NGLY1: variants seen among roughly 807,000 people sequenced by gnomAD.
The protein encoded by NGLY1 is peptide-N(4)-(N-acetyl-beta-glucosaminyl)asparagine amidase.
A neutral mutation model predicts 84.6 loss-of-function variants in NGLY1; 68 were observed. That is an observed-to-expected ratio of 0.80 (90% CI 0.66 to 0.98). The LOEUF (loss-of-function observed/expected upper bound fraction) is 0.98. Among genes scored for constraint, NGLY1 ranks in the 50% least tolerant of loss-of-function variants. NGLY1 has a pLI of 0.00. For synonymous variants in NGLY1, 280 were observed against 275.2 expected, an observed-to-expected ratio of 1.02 and a Z score of -0.17; for missense variants, 779 against 770.2, an observed-to-expected ratio of 1.01 and a Z score of -0.14.
chr3:25,785,845 TTTTG>T (rs1708592007), upstream of NGLY1, among the ~76,000 whole-genome samples: 1 of 152,172 alleles, frequency 6.6e-6, no homozygotes, highest in South Asian at 2.1e-4. Context: ...ACAAAATGAC[TTTTG>T]TTTTTCTCTT....
At chr3:25,746,547 A>T (rs1402871104) in intron 4 of NGLY1, among the ~76,000 whole-genome samples, 1 of 152,242 alleles carries the variant, frequency 6.6e-6, no homozygotes, top group Non-Finnish European at 1.5e-5. Context: ...AGCAGGGAAC[A>T]TCAGCAGATT....
In NGLY1 at chr3:25,767,872, G is replaced by C. The variant is rs191074160; in HGVS notation, c.247-3561C>G. ...TCACGCCTGTAATCCCAGCACTTTG[G>C]GGGGCTGAAGCAGGTGGATCACTTG... On this transcript the variant is annotated intron_variant, in intron 2 of 11. Coordinates refer to ENST00000280700, the MANE Select transcript of NGLY1 (RefSeq NM_018297.4). 2.9e-3 allele frequency among the ~76,000 whole-genome samples: 437 copies of C among 151,772 alleles called. 9 individuals are homozygous for C. Among genetic ancestry groups the C allele is most frequent in the African/African-American group, 0.01 (416 of 41,442 alleles).
chr3:25,765,689 A>G (rs1178947641), intron 2 of NGLY1, among the ~76,000 whole-genome samples: 1 of 152,164 alleles, frequency 6.6e-6, no homozygotes, highest in Non-Finnish European at 1.5e-5. Context: ...TAATTGCTAT[A>G]AAAAAGACAA....
intron 4 of NGLY1, chr3:25,749,439 C>T (rs1706610762): frequency 9.5e-7 from 1 of 1,054,846 alleles, no homozygotes; most frequent in Admixed American, 1.7e-5. Context: ...GAAGCTCTCT[C>T]CTCCTCAGCA....
rs937857426 is a variant in NGLY1, at chr3:25,755,473, C to A, written c.493-4210G>T. On this transcript the variant is annotated intron_variant, in intron 3 of 11. Coordinates refer to ENST00000280700, the MANE Select transcript of NGLY1 (RefSeq NM_018297.4). ...TGTCAGTGACAAGCCAAAGATTTAA[C>A]AGTGCAGATTCCACCTTCTCGGTCC... 4 of 1,462,432 alleles carry A rather than the reference C, an allele frequency of 2.7e-6. No homozygotes were observed. The Admixed American group carries it at 6.7e-5, about 24-fold the overall frequency. The allele number at this position is 1,462,432 out of a possible 1,614,324, so 90.6% of individuals were successfully genotyped here. A position where few individuals can be genotyped will look rare whatever the true frequency, so the allele number is the denominator to read the frequency against.
Position 25,751,269 on chromosome 3 carries a change from A to G in NGLY1, c.493-6T>C. The G allele has an allele frequency of 6.6e-7, 1 of 1,517,564 alleles. No individual in the cohort carries two copies. The highest frequency in any genetic ancestry group is 8.8e-7 in the Non-Finnish European group (1 of 1,135,678). The allele number at this position is 1,517,564 out of a possible 1,614,324, so 94.0% of individuals were successfully genotyped here. ...ATGGCTGAGTCAGCAGCAACCTAAT[A>G]GGAAAAAAAAAAACTGAAATTAACT... On this transcript the variant is annotated splice_region_variant and splice_polypyrimidine_tract_variant and intron_variant, in intron 3 of 11. Coordinates refer to ENST00000280700, the MANE Select transcript of NGLY1 (RefSeq NM_018297.4).
chr3:25,787,645 T>C (rs1036119400), upstream of NGLY1, among the ~76,000 whole-genome samples: 1 of 152,210 alleles, frequency 6.6e-6, no homozygotes, highest in African/African-American at 2.4e-5. Context: ...ATGTCCTTTC[T>C]AGAGGAGTTT....
At chr3:25,769,315 T>C (rs1275524411) in intron 2 of NGLY1, among the ~76,000 whole-genome samples, 1 of 152,114 alleles carries the variant, frequency 6.6e-6, no homozygotes, top group Non-Finnish European at 1.5e-5. Context: ...AAGCCGAGAT[T>C]GTGCCACTAG....
At chr3:25,736,465 G>A in intron 6 of NGLY1, 2 of 1,301,550 alleles carry the variant, frequency 1.5e-6, no homozygotes, top group South Asian at 1.3e-5. Flanking sequence ...CTATCATGAA[G>A]GAGTTAATGC....
At chr3:25,738,398 A>T (rs1324404759) in intron 5 of NGLY1, among the ~76,000 whole-genome samples, 2 of 152,112 alleles carry the variant, frequency 1.3e-5, no homozygotes, top group Admixed American at 6.5e-5. Context: ...AAATTACCAG[A>T]CAATTCAAGA....
chr3:25,760,319 A>G (rs2125537338), intron 3 of NGLY1, among the ~76,000 whole-genome samples: 1 of 152,320 alleles, frequency 6.6e-6, no homozygotes, highest in South Asian at 2.1e-4. Context: ...AAAATATTAC[A>G]CATATACAGA....
intron 2 of NGLY1, among the ~76,000 whole-genome samples, chr3:25,769,885 G>A (rs1282634351): frequency 6.6e-6 from 1 of 152,024 alleles, no homozygotes; most frequent in African/African-American, 2.4e-5. Context: ...CTGAGGTTTT[G>A]AAGCACTTAT....
chr3:25,771,748 G>T (rs1707904556), intron 2 of NGLY1, among the ~76,000 whole-genome samples: 1 of 152,022 alleles, frequency 6.6e-6, no homozygotes, highest in Non-Finnish European at 1.5e-5. Flanking sequence ...TCTTTCATGT[G>T]GTTGGTTAGG....
chr3:25,739,461 G>T (rs1706013616), intron 5 of NGLY1, 116 bp downstream of exon 5: 1 of 1,021,626 alleles, frequency 9.8e-7, no homozygotes, highest in Non-Finnish European at 1.4e-6. Context: ...TTGCTCACCG[G>T]TATTTTAGAG....
chr3:25,785,135 CAAAAAAAAAAA>C (rs1159268520), upstream of NGLY1, among the ~76,000 whole-genome samples: 6 of 76,948 alleles, frequency 7.8e-5, no homozygotes, highest in Admixed American at 6.1e-4. Context: ...CCTGCTTGGA[CAAAAAAAAAAA>C]AAAAAAAAAA....
intron 4 of NGLY1, among the ~76,000 whole-genome samples, chr3:25,741,338 AAGAC>A (rs949571920): frequency 1.2e-4 from 18 of 152,228 alleles, no homozygotes; most frequent in East Asian, 7.7e-4. Context: ...AGAATTCTGA[AAGAC>A]AGATTTCTAA....
intron 4 of NGLY1, among the ~76,000 whole-genome samples, chr3:25,742,884 C>CAA (rs34669504): frequency 0.016 from 1,028 of 63,312 alleles, 86 homozygotes; most frequent in African/African-American, 0.063. Context: ...CCTTATGTGG[C>CAA]AAAAAAAAAA....
At chr3:25,778,752 T>C in intron 1 of NGLY1, 64 bp from the exon 2 acceptor site, 1 of 945,120 alleles carries the variant, frequency 1.1e-6, no homozygotes, top group Non-Finnish European at 1.6e-6. Context: ...TCAAAGACTT[T>C]ACTTTCAACA....
chr3:25,783,441 A>C lies in NGLY1; in HGVS notation c.-51T>G, dbSNP rs1708519802. ...CCGCCCCTCGCTCTCCGCGTCCCAC[A>C]CTGAGCAGGCGCCTCAGCGCGCAGC... is the stretch of plus-strand genomic sequence containing the variant. On this transcript the variant is annotated 5_prime_UTR_variant, in exon 1 of 12. Coordinates refer to ENST00000280700, the MANE Select transcript of NGLY1 (RefSeq NM_018297.4). The surrounding 1 kb of genome is among the most constrained non-coding windows in gnomAD (Gnocchi z 4.5). 2 of 1,476,076 alleles carry C rather than the reference A, an allele frequency of 1.4e-6. No individual in the cohort carries two copies. The highest frequency in any genetic ancestry group is 1.8e-6 in the Non-Finnish European group (2 of 1,118,328). The allele number at this position is 1,476,076 out of a possible 1,614,324, so 91.4% of individuals were successfully genotyped here. A position where few individuals can be genotyped will look rare whatever the true frequency, so the allele number is the denominator to read the frequency against.
Sources: allele counts gnomAD v4.1 joint callset (sites outside exome capture counted in the v4.1 genomes callset), GRCh38; gene constraint gnomAD v4.1.1; non-coding constraint Gnocchi (gnomAD v3.1); transcripts MANE v1.5; gene names NCBI Gene and HGNC (gene_info 2026-07-23, HGNC 2026-07-21).